Variants in PDE4D observed in about 807,000 individuals in gnomAD.
PDE4D encodes phosphodiesterase 4D, also known as 3',5'-cyclic-AMP phosphodiesterase 4D.
In PDE4D, 24 loss-of-function variants were observed where a neutral mutation model predicts 87.4. The observed-to-expected ratio is 0.27, with a 90% confidence interval of 0.20 to 0.39. The LOEUF is 0.39. PDE4D is among the 10% of genes least tolerant of loss of function. The pLI, the probability that PDE4D is intolerant of heterozygous loss-of-function variation, is 1.00. For missense variants in PDE4D, 714 were observed against 1,041.0 expected (o/e 0.69, Z 4.32); for synonymous variants, 384 against 383.2 (o/e 1.00, Z -0.02).
chr5:59,613,435 T>C (rs945538514), intron 1 of PDE4D, among the ~76,000 whole-genome samples: 2 of 152,150 alleles, frequency 1.3e-5, no homozygotes, highest in Non-Finnish European at 1.5e-5. Flanking sequence ...CGGTAGAGAC[T>C]TGACAAACAA....
chr5:59,119,653 T>C (rs1046726292), intron 5 of PDE4D, among the ~76,000 whole-genome samples: 7 of 152,180 alleles, frequency 4.6e-5, no homozygotes, highest in Non-Finnish European at 8.8e-5. Context: ...ACACTATTTT[T>C]CAATCATTGA....
rs1030516855 is a variant in PDE4D, at chr5:59,905,575, C to A, written c.272+82913G>T. ...CTCCAAGACTTTCTAGATGTGTAAC[C>A]ACAGATGGGTTACATTAACCTCTCT... is the stretch of plus-strand genomic sequence containing the variant. On this transcript the variant is annotated intron_variant, in intron 3 of 16. Transcript: ENST00000502484. Among the ~76,000 whole-genome samples, 4 of 152,036 alleles carry A rather than the reference C, an allele frequency of 2.6e-5. No individual in the cohort carries two copies. The South Asian group carries it at 8.3e-4, about 32-fold the overall frequency.
chr5:60,059,865 T>G (rs1771200757), intron 2 of PDE4D, among the ~76,000 whole-genome samples: 1 of 151,930 alleles, frequency 6.6e-6, no homozygotes, highest in Non-Finnish European at 1.5e-5. Context: ...ACAAAAGACT[T>G]CCATCATCTG....
intron 1 of PDE4D, among the ~76,000 whole-genome samples, chr5:59,278,676 CTT>C (rs779080280): frequency 6.6e-6 from 1 of 151,940 alleles, no homozygotes; most frequent in Non-Finnish European, 1.5e-5. Flanking sequence ...TTTAAAAAAA[CTT>C]AAACTGAATA....
intron 1 of PDE4D, among the ~76,000 whole-genome samples, chr5:60,193,392 C>G (rs1018889901): frequency 2.6e-5 from 4 of 151,928 alleles, no homozygotes; most frequent in African/African-American, 9.7e-5. Context: ...TGTCACAGGC[C>G]GGGCGCAGTG....
intron 1 of PDE4D, among the ~76,000 whole-genome samples, chr5:60,266,685 G>C (rs1288928358): frequency 6.6e-6 from 1 of 152,178 alleles, no homozygotes; most frequent in Non-Finnish European, 1.5e-5. Context: ...CCCAATTCTA[G>C]GTGGATATAC....
intron 2 of PDE4D, chr5:60,160,908 G>A (rs1047370673): frequency 1.0e-5 from 4 of 389,758 alleles, no homozygotes; most frequent in Admixed American, 3.2e-5. Context: ...TTTAATTCTA[G>A]GAAAACATCT....
intron 1 of PDE4D, among the ~76,000 whole-genome samples, chr5:60,404,161 C>CT (rs35780128): frequency 0.25 from 29,338 of 119,224 alleles, 4,621 homozygotes; most frequent in Non-Finnish European, 0.34. Flanking sequence ...TCAGCCAATT[C>CT]TTTTTTTTTT....
At chr5:59,162,305 A>G (rs1227570481) in intron 5 of PDE4D, among the ~76,000 whole-genome samples, 1 of 151,990 alleles carries the variant, frequency 6.6e-6, no homozygotes, top group East Asian at 1.9e-4. Context: ...TCCATTTCCA[A>G]CTCCTCAAGA....
At chr5:59,857,512 G>A (rs181397028) in intron 1 of PDE4D, among the ~76,000 whole-genome samples, 1 of 152,180 alleles carries the variant, frequency 6.6e-6, no homozygotes. Context: ...CACAAAGGGA[G>A]GGATTATAAA....
intron 3 of PDE4D, among the ~76,000 whole-genome samples, chr5:59,957,641 CAT>C (rs1758990742): frequency 6.6e-6 from 1 of 151,874 alleles, no homozygotes; most frequent in South Asian, 2.1e-4. Flanking sequence ...TAAGGAAAGT[CAT>C]ATTTTAATTG....
intron 1 of PDE4D, among the ~76,000 whole-genome samples, chr5:60,193,943 C>A (rs1740888598): frequency 6.6e-6 from 1 of 151,358 alleles, no homozygotes; most frequent in African/African-American, 2.4e-5. Flanking sequence ...TGAGGTGTTT[C>A]TCCTCCTATG....
chr5:59,359,939 C>T (rs1781947400), intron 1 of PDE4D, among the ~76,000 whole-genome samples: 1 of 152,118 alleles, frequency 6.6e-6, no homozygotes, highest in Non-Finnish European at 1.5e-5. Flanking sequence ...CATGTAAGTC[C>T]TAACCCCACT....
At chr5:59,551,625 T>G (rs943415491) in intron 1 of PDE4D, among the ~76,000 whole-genome samples, 1 of 152,156 alleles carries the variant, frequency 6.6e-6, no homozygotes, top group Non-Finnish European at 1.5e-5. Context: ...GTAATTTTTA[T>G]GATATAATCT....
intron 3 of PDE4D, 94 bp downstream of exon 3, chr5:59,193,406 T>A (rs1198492478): frequency 6.1e-6 from 7 of 1,154,374 alleles, no homozygotes; most frequent in Non-Finnish European, 8.8e-6. Context: ...TTGTGCTTGA[T>A]TTAAAATTAA....
chr5:59,185,026 C>T (rs943180837), intron 4 of PDE4D, among the ~76,000 whole-genome samples, 163 bp downstream of exon 4: 2 of 152,032 alleles, frequency 1.3e-5, no homozygotes, highest in Non-Finnish European at 2.9e-5. Flanking sequence ...ACCATCACCA[C>T]GAAGTATTTA....
intron 1 of PDE4D, among the ~76,000 whole-genome samples, chr5:59,374,145 T>C (rs1272365631): frequency 6.6e-6 from 1 of 152,142 alleles, no homozygotes; most frequent in Non-Finnish European, 1.5e-5. Flanking sequence ...CCAGCTAACA[T>C]CATGATGACA....
intron 1 of PDE4D, among the ~76,000 whole-genome samples, chr5:59,879,048 G>A (rs1749051365): frequency 6.6e-6 from 1 of 151,822 alleles, no homozygotes; most frequent in Non-Finnish European, 1.5e-5. Context: ...ACAGGTGCCT[G>A]CCACCACGCC....
intron 1 of PDE4D, among the ~76,000 whole-genome samples, chr5:59,611,002 C>T (rs1012501268): frequency 6.6e-6 from 1 of 152,120 alleles, no homozygotes; most frequent in Non-Finnish European, 1.5e-5. Context: ...AGAGGATTCA[C>T]ATACAAATCT....
Sources: gnomAD v4.1 joint callset for allele counts (sites outside exome capture counted in the v4.1 genomes callset) on GRCh38, gnomAD v4.1.1 for gene constraint, MANE v1.5 for transcripts, NCBI Gene and HGNC (gene_info 2026-07-23, HGNC 2026-07-21) for gene names.